The following CDH18 variants were observed in gnomAD, a reference collection of about 807,000 sequenced individuals.
CDH18 encodes cadherin-18.
Under a neutral mutation model 67.9 loss-of-function variants are expected in CDH18, and 31 were observed. That is an observed-to-expected ratio of 0.46 (90% CI 0.34 to 0.62). The LOEUF (loss-of-function observed/expected upper bound fraction) is 0.62, where lower values mean the gene tolerates loss of function less well. Among genes scored for constraint, CDH18 ranks in the 20% least tolerant of loss-of-function variants. The probability of loss-of-function intolerance (pLI) is 0.01; values close to 1 mark genes in which losing one functional copy is unlikely to be tolerated. For synonymous variants in CDH18, 362 were observed against 347.2 expected (o/e 1.04, Z -0.48); for missense variants, 890 against 975.5 (o/e 0.91, Z 1.17).
chr5:20,490,670 A>G (rs1033748872), intron 1 of CDH18, among the ~76,000 whole-genome samples: 1 of 152,152 alleles, frequency 6.6e-6, no homozygotes, highest in Non-Finnish European at 1.5e-5. Context: ...CTTAGTGATG[A>G]ACAGCCTGGA....
chr5:20,344,306 G>A (rs1283416022), intron 1 of CDH18, among the ~76,000 whole-genome samples: 2 of 152,108 alleles, frequency 1.3e-5, no homozygotes, highest in African/African-American at 2.4e-5. Flanking sequence ...TCAACAGACA[G>A]CTTCTCTCCC....
intron 3 of CDH18, among the ~76,000 whole-genome samples, chr5:19,758,022 C>A (rs1473065428): frequency 6.6e-6 from 1 of 152,130 alleles, no homozygotes; most frequent in Non-Finnish European, 1.5e-5. Context: ...TCATAGGGAA[C>A]CTCCCATGAG....
intron 1 of CDH18, among the ~76,000 whole-genome samples, chr5:20,524,485 ACTT>A (rs1755926015): frequency 6.6e-6 from 1 of 152,158 alleles, no homozygotes. Flanking sequence ...TATTGCAGCT[ACTT>A]CTTTATTAAT....
intron 5 of CDH18, among the ~76,000 whole-genome samples, chr5:19,680,509 T>A (rs1760134997): frequency 6.6e-6 from 1 of 151,920 alleles, no homozygotes; most frequent in Non-Finnish European, 1.5e-5. Flanking sequence ...TTGATAAATA[T>A]TTGCAAACTG....
At chr5:20,269,447 A>G (rs1353388028) in intron 1 of CDH18, among the ~76,000 whole-genome samples, 1 of 152,186 alleles carries the variant, frequency 6.6e-6, no homozygotes, top group Non-Finnish European at 1.5e-5. Context: ...ACTATTCACA[A>G]TAGAATATAT....
At chr5:20,257,714 A>G (rs1042784860) in intron 1 of CDH18, among the ~76,000 whole-genome samples, 1 of 152,180 alleles carries the variant, frequency 6.6e-6, no homozygotes. Flanking sequence ...GCGATGAAAC[A>G]ATCCATTCAA....
At chr5:19,879,821 T>G (rs1787428726) in intron 2 of CDH18, among the ~76,000 whole-genome samples, 1 of 151,998 alleles carries the variant, frequency 6.6e-6, no homozygotes, top group Non-Finnish European at 1.5e-5. Context: ...CTAACATGCT[T>G]GAAATATTCT....
At chr5:19,985,626 C>T (rs1799484922) in intron 1 of CDH18, among the ~76,000 whole-genome samples, 1 of 151,818 alleles carries the variant, frequency 6.6e-6, no homozygotes, top group Non-Finnish European at 1.5e-5. Context: ...ACAATACCAA[C>T]AGCACCAAGG....
chr5:19,716,423 A>C (rs907872262), intron 5 of CDH18, among the ~76,000 whole-genome samples: 4 of 152,088 alleles, frequency 2.6e-5, no homozygotes, highest in African/African-American at 9.7e-5. Context: ...ACGTGACTCC[A>C]AATAGTATAT....
chr5:19,821,443 AC>A (rs1779869047), intron 3 of CDH18, among the ~76,000 whole-genome samples: 1 of 152,106 alleles, frequency 6.6e-6, no homozygotes, highest in Non-Finnish European at 1.5e-5. Flanking sequence ...TTTAAAATGA[AC>A]AATAACTTTG....
intron 5 of CDH18, among the ~76,000 whole-genome samples, chr5:19,617,567 T>G (rs774462473): frequency 6.6e-6 from 1 of 152,204 alleles, no homozygotes; most frequent in Non-Finnish European, 1.5e-5. Context: ...CCTAGGTAAA[T>G]GGTTACGGCA....
chr5:20,345,180 C>A (rs1204026253), intron 1 of CDH18, among the ~76,000 whole-genome samples: 2 of 152,072 alleles, frequency 1.3e-5, no homozygotes, highest in Admixed American at 6.6e-5. Context: ...TCTAATAGAT[C>A]CTTTGGGAGA....
At chr5:20,148,237 G>A (rs1466330664) in intron 2 of CDH18, among the ~76,000 whole-genome samples, 3 of 151,468 alleles carry the variant, frequency 2.0e-5, no homozygotes, top group African/African-American at 4.8e-5. Context: ...GACTACAGAC[G>A]CCCATCACCA....
intron 1 of CDH18, among the ~76,000 whole-genome samples, chr5:20,355,056 C>A (rs537682348): frequency 6.6e-6 from 1 of 152,312 alleles, no homozygotes; most frequent in Middle Eastern, 3.4e-3. Flanking sequence ...CACACTGCAT[C>A]TTTCTTCCTT....
intron 2 of CDH18, among the ~76,000 whole-genome samples, chr5:19,842,261 G>A (rs756456211): frequency 2.6e-5 from 4 of 152,126 alleles, no homozygotes; most frequent in Non-Finnish European, 4.4e-5. Flanking sequence ...GTCTGGCTCT[G>A]TGTCCCCACC....
chr5:20,320,262 T>G (rs1248823528), intron 1 of CDH18, among the ~76,000 whole-genome samples: 1 of 152,146 alleles, frequency 6.6e-6, no homozygotes, highest in Non-Finnish European at 1.5e-5. Context: ...AAATTCTCTA[T>G]TCTTCTTTTA....
chr5:19,980,034 A>T lies in CDH18; in HGVS notation c.-257+1026T>A, dbSNP rs186316114. Among the ~76,000 whole-genome samples the T allele has an allele frequency of 2.5e-4, 38 of 152,270 alleles. No homozygotes were observed. In the East Asian group the frequency reaches 7.2e-3, roughly 29 times the overall value. On this transcript the variant is annotated intron_variant, in intron 2 of 12. Coordinates refer to ENST00000382275, the MANE Select transcript of CDH18 (RefSeq NM_004934.5). ...GTCAAACTGTCACTGTTTGCTGATGATATGATTGTTTACCTAGAAAACCTT... is the reference window on the plus strand; with the variant it reads ...GTCAAACTGTCACTGTTTGCTGATGTTATGATTGTTTACCTAGAAAACCTT...
At chr5:19,950,224 C>T (rs1036705380) in intron 2 of CDH18, among the ~76,000 whole-genome samples, 1 of 151,812 alleles carries the variant, frequency 6.6e-6, no homozygotes, top group Non-Finnish European at 1.5e-5. Flanking sequence ...TTTGCAGCAA[C>T]CTGGATGGAG....
At chr5:19,619,146 G>A (rs566154793) in intron 5 of CDH18, among the ~76,000 whole-genome samples, 26 of 151,956 alleles carry the variant, frequency 1.7e-4, no homozygotes, top group Non-Finnish European at 3.4e-4. Context: ...GACATTTAAC[G>A]GATGCATATC....
Sources: allele counts gnomAD v4.1 joint callset (sites outside exome capture counted in the v4.1 genomes callset), GRCh38; gene constraint gnomAD v4.1.1; transcripts MANE v1.5; gene names NCBI Gene and HGNC (gene_info 2026-07-23, HGNC 2026-07-21).